Variants in CASK observed in about 807,000 individuals in gnomAD.
CASK encodes calcium/calmodulin dependent serine protein kinase.
In CASK, 4 loss-of-function variants were observed where a neutral mutation model predicts 82.9. The ratio of observed to expected loss-of-function variants is 0.05; its 90% CI spans 0.02 to 0.11. The LOEUF is 0.11. Ranked by LOEUF, CASK falls within the 10% of genes least tolerant of loss-of-function variation. The pLI, the probability that CASK is intolerant of heterozygous loss-of-function variation, is 1.00. For synonymous variants in CASK, 259 were observed against 253.5 expected (o/e 1.02, Z -0.20); for missense variants, 358 against 720.9 (o/e 0.50, Z 5.76).
intron 1 of CASK, among the ~76,000 whole-genome samples, chrX:41,873,283 C>CAAAA (rs1175165867): frequency 3.3e-3 from 104 of 31,063 alleles, no homozygotes; most frequent in Middle Eastern, 0.027. Flanking sequence ...TTCTTCCTCA[C>CAAAA]AAAAAAAAAA....
chrX:41,676,529 C>T (rs1376986004), intron 5 of CASK: 34 of 1,141,927 alleles, frequency 3.0e-5, no homozygotes, highest in East Asian at 1.5e-4. Flanking sequence ...CCCCTCGCGC[C>T]GGCACGCGGC....
In CASK at chrX:41,600,178, C is replaced by T. The variant is rs754654436; in HGVS notation, c.1155+9726G>A. 2.7e-5 allele frequency among the ~76,000 whole-genome samples: 3 copies of T among 111,512 alleles called. No homozygotes were observed. In the South Asian group the frequency reaches 1.1e-3, roughly 42 times the overall value. On this transcript the variant is annotated intron_variant, in intron 12 of 26. Coordinates refer to ENST00000378163, the MANE Select transcript of CASK (RefSeq NM_001367721.1). ...TTTAATTATTTTTGGCTTTTGCTAC[C>T]TTTTTTATTTTGCATAGGTAAACAC...
chrX:41,549,589 C>T (rs866652644), intron 21 of CASK, among the ~76,000 whole-genome samples: 1 of 112,115 alleles, frequency 8.9e-6, no homozygotes, highest in South Asian at 3.7e-4. Flanking sequence ...CAGGTAATCC[C>T]AACACTTTAG....
Position 41,695,919 on chromosome X carries a change from G to A in CASK, c.430-24389C>T, listed in dbSNP as rs1187853238. The A allele has an allele frequency of 1.4e-5, 17 of 1,206,122 alleles. No individual in the cohort carries two copies. The highest frequency in any genetic ancestry group is 5.3e-5 in the South Asian group (3 of 56,540). On this transcript the variant is annotated intron_variant, in intron 5 of 26. Transcript: ENST00000378163. ...TTCCATTCAAATTTATCTACTTAAC[G>A]TAGCCATTGCAGACCTCCTACTCAT... is the stretch of plus-strand genomic sequence containing the variant.
chrX:41,822,557 C>CAAAAAAAAAAA (rs61374081), intron 2 of CASK, among the ~76,000 whole-genome samples: 26 of 50,674 alleles, frequency 5.1e-4, no homozygotes, highest in East Asian at 7.9e-4. Context: ...GACTCCGTCT[C>CAAAAAAAAAAA]AAAAAAAAAA....
intron 3 of CASK, among the ~76,000 whole-genome samples, chrX:41,770,291 T>C (rs775842155): frequency 2.0e-3 from 194 of 97,184 alleles, no homozygotes; most frequent in Middle Eastern, 4.9e-3. Context: ...TATCTATCTA[T>C]CTATCTACCT....
At chrX:41,740,309 CCTT>C (rs1387572001) in intron 4 of CASK, among the ~76,000 whole-genome samples, 8 of 110,657 alleles carry the variant, frequency 7.2e-5, no homozygotes, top group Middle Eastern at 4.6e-3. Context: ...TTCCTATTCC[CCTT>C]CTTTTCTCAT....
chrX:41,639,059 A>C (rs1010520417), intron 8 of CASK, among the ~76,000 whole-genome samples: 1 of 103,914 alleles, frequency 9.6e-6, no homozygotes, highest in Admixed American at 1.1e-4. Flanking sequence ...CTAATAGGTA[A>C]ATTTTCAACC....
At chrX:41,914,297 A>G (rs1001419394) in intron 1 of CASK, among the ~76,000 whole-genome samples, 2 of 112,482 alleles carry the variant, frequency 1.8e-5, no homozygotes, top group African/African-American at 3.2e-5. Flanking sequence ...ATGATTACAA[A>G]GCAAAAAGGA....
At chrX:41,661,778 G>A (rs937471611) in intron 7 of CASK, among the ~76,000 whole-genome samples, 19 of 109,486 alleles carry the variant, frequency 1.7e-4, no homozygotes, top group African/African-American at 4.7e-4. Flanking sequence ...TTATCCAGCC[G>A]GGCACAGTGG....
At chrX:41,760,491 G>A (rs2068981060) in intron 3 of CASK, among the ~76,000 whole-genome samples, 1 of 111,664 alleles carries the variant, frequency 9.0e-6, no homozygotes, top group Non-Finnish European at 1.9e-5. Context: ...GGGGGTTATC[G>A]AGAGAACAGT....
In CASK at chrX:41,579,173, T is replaced by C. The variant is rs1181569704; in HGVS notation, c.1315-645A>G. 4.5e-5 allele frequency among the ~76,000 whole-genome samples: 5 copies of C among 112,053 alleles called. No individual in the cohort carries two copies. In the Admixed American group the frequency reaches 4.7e-4, roughly 11 times the overall value. ...TATCTTTCATCAATGGCATTTACAA[T>C]GACGCTTTTATATAACCCAAAGGAT... On this transcript the variant is annotated intron_variant, in intron 14 of 26. Coordinates refer to ENST00000378163, the MANE Select transcript of CASK (RefSeq NM_001367721.1).
chrX:41,599,033 C>T (rs1209996339), intron 12 of CASK, among the ~76,000 whole-genome samples: 2 of 111,172 alleles, frequency 1.8e-5, no homozygotes, highest in Admixed American at 1.9e-4. Flanking sequence ...TGTGTAAATT[C>T]CTAAATCTAG....
intron 1 of CASK, among the ~76,000 whole-genome samples, chrX:41,917,036 C>A (rs182501367): frequency 8.9e-6 from 1 of 112,158 alleles, no homozygotes; most frequent in Non-Finnish European, 1.9e-5. Flanking sequence ...GTATATGGAA[C>A]CTCTACTGAA....
At chrX:41,733,606 G>A (rs940327264) in intron 5 of CASK, among the ~76,000 whole-genome samples, 7 of 108,965 alleles carry the variant, frequency 6.4e-5, no homozygotes, top group South Asian at 8.0e-4. Flanking sequence ...AAAATTAGCC[G>A]GGCATGGTGG....
chrX:41,693,084 C>T (rs1001246537), intron 5 of CASK, among the ~76,000 whole-genome samples: 1 of 111,302 alleles, frequency 9.0e-6, no homozygotes. Flanking sequence ...GAAAAAAAAT[C>T]CAAAATAACT....
At chrX:41,844,066 T>C (rs2071100936) in intron 2 of CASK, among the ~76,000 whole-genome samples, 1 of 111,861 alleles carries the variant, frequency 8.9e-6, no homozygotes, top group Admixed American at 9.5e-5. Flanking sequence ...CTGGGTCATA[T>C]AACCTTAGAT....
chrX:41,869,609 T>C (rs1472255460), intron 1 of CASK, among the ~76,000 whole-genome samples: 1 of 108,623 alleles, frequency 9.2e-6, no homozygotes, highest in Non-Finnish European at 1.9e-5. Flanking sequence ...AGTCAGGAGT[T>C]CGAGACCAGC....
chrX:41,785,218 G>A (rs1384429432), intron 3 of CASK, among the ~76,000 whole-genome samples: 3 of 110,574 alleles, frequency 2.7e-5, no homozygotes, highest in Admixed American at 1.9e-4. Flanking sequence ...TGTTGCCCAC[G>A]CTGGTCTTGA....
Sources: allele counts gnomAD v4.1 joint callset (sites outside exome capture counted in the v4.1 genomes callset), GRCh38; gene constraint gnomAD v4.1.1; transcripts MANE v1.5; gene names NCBI Gene and HGNC (gene_info 2026-07-23, HGNC 2026-07-21).